The following SLCO3A1 variants were observed in gnomAD, a reference collection of about 807,000 sequenced individuals.
SLCO3A1 encodes solute carrier organic anion transporter family member 3A1, also known as PGE1 transporter.
A neutral mutation model predicts 63.1 loss-of-function variants in SLCO3A1; 27 were observed. The observed-to-expected ratio is 0.43, with a 90% CI of 0.32 to 0.59. The LOEUF is 0.59. Among genes scored for constraint, SLCO3A1 ranks in the 20% least tolerant of loss-of-function variants. The pLI is 0.09. For missense variants in SLCO3A1, 773 were observed against 945.8 expected (o/e 0.82, Z 2.40); for synonymous variants, 473 against 409.9 (o/e 1.15, Z -1.86).
intron 1 of SLCO3A1, among the ~76,000 whole-genome samples, chr15:91,904,130 A>C (rs773487647): frequency 1.4e-5 from 2 of 144,906 alleles, no homozygotes; most frequent in Non-Finnish European, 3.0e-5. Flanking sequence ...CCTTCCTCTG[A>C]AGAGGGTCCC....
rs186160743 is a variant in SLCO3A1, at chr15:92,102,509, C to T, written c.746-1770C>T. ...AGCTGTCTTTATTTTGCAAATGATG[C>T]AGCTAAGACTCAAGGAGGGTAAGTA... On this transcript the variant is annotated intron_variant, in intron 3 of 9. Coordinates refer to ENST00000318445, the MANE Select transcript of SLCO3A1 (RefSeq NM_013272.4). Among the ~76,000 whole-genome samples, 126 of 152,318 alleles carry T rather than the reference C, an allele frequency of 8.3e-4. 1 individual carries two copies. The highest frequency in any genetic ancestry group is 2.0e-3 in the Admixed American group (31 of 15,300).
intron 2 of SLCO3A1, among the ~76,000 whole-genome samples, chr15:91,988,205 C>G (rs1298025071): frequency 6.6e-6 from 1 of 152,010 alleles, no homozygotes; most frequent in South Asian, 2.1e-4. Context: ...GAGTTTAAGA[C>G]CAGCCTGGGC....
At chr15:92,012,657 C>T (rs1247399980) in intron 2 of SLCO3A1, among the ~76,000 whole-genome samples, 3 of 150,654 alleles carry the variant, frequency 2.0e-5, no homozygotes, top group Non-Finnish European at 2.9e-5. Context: ...AATCCCAGCA[C>T]TTTGAGAGGC....
At chr15:91,879,515 C>G (rs1440204725) in intron 1 of SLCO3A1, among the ~76,000 whole-genome samples, 1 of 133,472 alleles carries the variant, frequency 7.5e-6, no homozygotes, top group Non-Finnish European at 1.6e-5. Flanking sequence ...ACCGTAGCTA[C>G]TATGATGCCT....
At chr15:92,071,420 T>C (rs2047214666) in intron 2 of SLCO3A1, among the ~76,000 whole-genome samples, 1 of 152,122 alleles carries the variant, frequency 6.6e-6, no homozygotes, top group Non-Finnish European at 1.5e-5. Flanking sequence ...TGGGCTGTAG[T>C]TTGGACTTGG....
intron 7 of SLCO3A1, among the ~76,000 whole-genome samples, chr15:92,134,440 T>A (rs528077657): frequency 6.6e-6 from 1 of 152,304 alleles, no homozygotes; most frequent in South Asian, 2.1e-4. Context: ...TAAAATGAGA[T>A]GTCATATTAT....
intron 2 of SLCO3A1, among the ~76,000 whole-genome samples, chr15:91,992,095 G>GT (rs2046133124): frequency 6.6e-6 from 1 of 151,588 alleles, no homozygotes; most frequent in South Asian, 2.1e-4. Context: ...GGAGTTCACA[G>GT]TTTAAGTTCT....
Position 91,882,862 on chromosome 15 carries a change from G to A in SLCO3A1, c.180+28774G>A, listed in dbSNP as rs770534403. 1.7e-4 allele frequency among the ~76,000 whole-genome samples: 26 copies of A among 151,164 alleles called. No individual in the cohort carries two copies. Among genetic ancestry groups the A allele is most frequent in the Admixed American group, 9.9e-4 (15 of 15,132 alleles). Reference sequence around the variant, plus strand: ...CACTCGGATTTCACTGAATATGTGCGATAAGTATAACCTCATCAAGATTTC... The same window carrying A: ...CACTCGGATTTCACTGAATATGTGCAATAAGTATAACCTCATCAAGATTTC... On this transcript the variant is annotated intron_variant, in intron 1 of 9. Transcript: ENST00000318445. This position sits in a 1 kb window ranked among gnomAD's most constrained non-coding sequence, Gnocchi z 4.4.
chr15:92,024,047 A>G (rs2046541394), intron 2 of SLCO3A1, among the ~76,000 whole-genome samples: 1 of 152,166 alleles, frequency 6.6e-6, no homozygotes, highest in South Asian at 2.1e-4. Context: ...GTGCTTCCAG[A>G]ACACCCACCA....
chr15:91,880,111 G>T (rs538667551), intron 1 of SLCO3A1, among the ~76,000 whole-genome samples: 1 of 119,598 alleles, frequency 8.4e-6, no homozygotes, highest in Admixed American at 8.4e-5. Context: ...CCGTCCGTCC[G>T]TCCGTCCGTC....
At chr15:91,957,228 T>C (rs1900273261) in intron 2 of SLCO3A1, among the ~76,000 whole-genome samples, 1 of 132,710 alleles carries the variant, frequency 7.5e-6, no homozygotes, top group Non-Finnish European at 1.5e-5. Flanking sequence ...TGACTTCATA[T>C]GATCCGCTGG....
At chr15:92,042,424 C>T (rs566588976) in intron 2 of SLCO3A1, among the ~76,000 whole-genome samples, 190 of 152,248 alleles carry the variant, frequency 1.2e-3, no homozygotes, top group Non-Finnish European at 2.3e-3. Context: ...GGGATCCACA[C>T]GGTTGGGCCA....
intron 2 of SLCO3A1, among the ~76,000 whole-genome samples, chr15:92,028,908 AGT>A (rs61238614): frequency 0.2 from 23,975 of 119,972 alleles, 2,701 homozygotes; most frequent in Non-Finnish European, 0.26. Context: ...TGCAGGCACA[AGT>A]GTGTGTGTGT....
At chr15:92,170,663 A>G (rs542878944), downstream of SLCO3A1, among the ~76,000 whole-genome samples, 1 of 152,202 alleles carries the variant, frequency 6.6e-6, no homozygotes, top group African/African-American at 2.4e-5. Flanking sequence ...GCAGGAGTCT[A>G]TTGTTTCATA....
chr15:92,011,707 G>A (rs937935873), intron 2 of SLCO3A1, among the ~76,000 whole-genome samples: 1 of 152,212 alleles, frequency 6.6e-6, no homozygotes, highest in African/African-American at 2.4e-5. Flanking sequence ...AATGTTAGCT[G>A]TGCTAGGGCA....
rs1194106637 is a variant in SLCO3A1, at chr15:91,897,276, G to T, written c.181-18717G>T. 6.6e-6 allele frequency among the ~76,000 whole-genome samples: 1 copy of T among 152,076 alleles called. No homozygotes were observed. The highest frequency in any genetic ancestry group is 1.5e-5 in the Non-Finnish European group (1 of 67,998). On this transcript the variant is annotated intron_variant, in intron 1 of 9. Transcript: ENST00000318445. The surrounding 1 kb of genome is among the most constrained non-coding windows in gnomAD (Gnocchi z 4.7). ...CCTGGCCAACATGGTGGCCAGTTTA[G>T]TAGAGATGGGGATCTCTACTAAAAA...
At chr15:91,920,586 T>A (rs1898810466) in intron 2 of SLCO3A1, among the ~76,000 whole-genome samples, 1 of 152,214 alleles carries the variant, frequency 6.6e-6, no homozygotes, top group African/African-American at 2.4e-5. Flanking sequence ...ACCTTAGACA[T>A]CTGGGGCAGG....
At chr15:92,080,063 C>A (rs1197610738) in intron 2 of SLCO3A1, among the ~76,000 whole-genome samples, 1 of 152,208 alleles carries the variant, frequency 6.6e-6, no homozygotes, top group Non-Finnish European at 1.5e-5. Context: ...CCTGGCTGGG[C>A]CTGGAGAGAA....
chr15:92,051,258 G>T (rs1164943530), intron 2 of SLCO3A1, among the ~76,000 whole-genome samples: 1 of 152,186 alleles, frequency 6.6e-6, no homozygotes, highest in African/African-American at 2.4e-5. Flanking sequence ...CAGGTCAAGA[G>T]GTGGATGGAG....
Sources: allele counts gnomAD v4.1 joint callset (sites outside exome capture counted in the v4.1 genomes callset), GRCh38; gene constraint gnomAD v4.1.1; non-coding constraint Gnocchi (gnomAD v3.1); transcripts MANE v1.5; gene names NCBI Gene and HGNC (gene_info 2026-07-23, HGNC 2026-07-21).